MAPT: variants seen among roughly 807,000 people sequenced by gnomAD.
MAPT encodes the protein microtubule associated protein tau.
A neutral mutation model predicts 67.9 loss-of-function variants in MAPT; 34 were observed. That is an observed-to-expected ratio of 0.50 (90% CI 0.38 to 0.67). MAPT has a LOEUF of 0.67. MAPT is among the 30% of genes least tolerant of loss of function. The probability of loss-of-function intolerance (pLI) is 0.00; values close to 1 mark genes in which losing one functional copy is unlikely to be tolerated. For synonymous variants in MAPT, 456 were observed against 464.5 expected, an observed-to-expected ratio of 0.98 and a Z score of 0.23; for missense variants, 881 against 1,115.2, an observed-to-expected ratio of 0.79 and a Z score of 2.99.
chr17:45,921,637 C>G (rs2065727396), intron 1 of MAPT, among the ~76,000 whole-genome samples: 2 of 152,208 alleles, frequency 1.3e-5, no homozygotes, highest in African/African-American at 4.8e-5. Context: ...ATCATCTTGA[C>G]TTTTCAAGAT....
At chr17:46,008,986 C>T (rs2075638366) in intron 9 of MAPT, among the ~76,000 whole-genome samples, 1 of 152,178 alleles carries the variant, frequency 6.6e-6, no homozygotes, top group Non-Finnish European at 1.5e-5. Context: ...TTGCTTGAGC[C>T]CAGGAGTTTC....
chr17:45,927,501 G>A (rs2066452289), intron 1 of MAPT, among the ~76,000 whole-genome samples: 1 of 152,174 alleles, frequency 6.6e-6, no homozygotes. Flanking sequence ...ACTAAGGCCA[G>A]GCCTCCATGA....
chr17:45,972,219 G>A (rs1176048889), intron 3 of MAPT: 1 of 626,834 alleles, frequency 1.6e-6, no homozygotes, highest in Non-Finnish European at 3.0e-6. Context: ...CCATACGATT[G>A]TCCTCCCACA....
intron 12 of MAPT, among the ~76,000 whole-genome samples, chr17:46,019,727 A>T (rs1275027162): frequency 6.7e-6 from 1 of 149,012 alleles, no homozygotes; most frequent in Non-Finnish European, 1.5e-5. Context: ...AAAAGTGAGA[A>T]CTGGCTGGGT....
At chr17:45,954,640 C>T (rs929446807) in intron 1 of MAPT, among the ~76,000 whole-genome samples, 1 of 151,790 alleles carries the variant, frequency 6.6e-6, no homozygotes, top group Non-Finnish European at 1.5e-5. Flanking sequence ...ATAAATAATG[C>T]AAAGTAAAAT....
chr17:45,900,879 C>G (rs1166257558), intron 1 of MAPT, among the ~76,000 whole-genome samples: 1 of 152,180 alleles, frequency 6.6e-6, no homozygotes, highest in Non-Finnish European at 1.5e-5. Context: ...TTCACACAAG[C>G]TAACCCGGTA....
intron 1 of MAPT, among the ~76,000 whole-genome samples, chr17:45,925,489 A>G (rs1270707481): frequency 6.6e-6 from 1 of 152,206 alleles, no homozygotes; most frequent in African/African-American, 2.4e-5. Flanking sequence ...CTACTCTTTG[A>G]CCCAGAATTT....
chr17:46,014,102 G>A (rs887037962), intron 10 of MAPT, 141 bp from the exon 11 acceptor site: 1 of 695,694 alleles, frequency 1.4e-6, no homozygotes, highest in African/African-American at 1.8e-5. Flanking sequence ...GGGAACCACT[G>A]TCCAATAAGG....
At chr17:45,921,905 C>T (rs923076086) in intron 1 of MAPT, among the ~76,000 whole-genome samples, 2 of 152,052 alleles carry the variant, frequency 1.3e-5, no homozygotes, top group African/African-American at 2.4e-5. Context: ...CTGCCCTTAG[C>T]GAAGTTCAAA....
At chr17:46,022,437 C>CA (rs2076589324) in intron 12 of MAPT, among the ~76,000 whole-genome samples, 1 of 149,072 alleles carries the variant, frequency 6.7e-6, no homozygotes, top group Admixed American at 6.7e-5. Flanking sequence ...CCCAAATGAA[C>CA]AAAATATGCA....
intron 10 of MAPT, among the ~76,000 whole-genome samples, chr17:46,012,305 C>A (rs778433895): frequency 6.6e-6 from 1 of 152,154 alleles, no homozygotes; most frequent in Non-Finnish European, 1.5e-5. Context: ...TGGGGCCCGC[C>A]CGTGTGTCCC....
chr17:45,930,188 C>T (rs1441931667), intron 1 of MAPT, among the ~76,000 whole-genome samples: 1 of 152,034 alleles, frequency 6.6e-6, no homozygotes, highest in Non-Finnish European at 1.5e-5. Context: ...TCACTCGATG[C>T]CAGGAGTTCA....
intron 1 of MAPT, among the ~76,000 whole-genome samples, chr17:45,924,753 C>T (rs1035193700): frequency 2.6e-5 from 4 of 152,220 alleles, no homozygotes; most frequent in African/African-American, 7.2e-5. Context: ...ACAGCATGTC[C>T]GCTGCAAACC....
intron 5 of MAPT, 97 bp from the exon 6 acceptor site, chr17:45,986,943 T>C: frequency 1.9e-6 from 2 of 1,054,852 alleles, no homozygotes; most frequent in Non-Finnish European, 2.9e-6. Flanking sequence ...TAAACAAACA[T>C]GGACCTATCC....
intron 4 of MAPT, among the ~76,000 whole-genome samples, chr17:45,981,643 G>A (rs1466065667): frequency 3.3e-5 from 5 of 152,158 alleles, no homozygotes; most frequent in African/African-American, 1.2e-4. Context: ...CTCCATTCTT[G>A]ATGATCACAC....
rs373354780 is a variant in MAPT at position 45,999,516 on chromosome 17, C to T, written c.1998+2852C>T. ...GCACCATTTGGCCCAGTTCTTACAG[C>T]TCTGAAGAGAGCAGCAGGAATGGGG... On this transcript the variant is annotated intron_variant, in intron 9 of 12. Transcript: ENST00000262410. 2.1e-5 allele frequency: 34 copies of T among 1,613,840 alleles called. No homozygotes were observed. In the African/African-American group the frequency reaches 4.3e-4, roughly 20 times the overall value.
chr17:45,974,321 C>A, intron 3 of MAPT: 2 of 1,214,918 alleles, frequency 1.6e-6, no homozygotes, highest in Non-Finnish European at 2.4e-6. Flanking sequence ...GCGCAAGAAG[C>A]AAAGGTGAGG....
chr17:45,934,217 G>A (rs1264226252), intron 1 of MAPT, among the ~76,000 whole-genome samples: 3 of 152,122 alleles, frequency 2.0e-5, no homozygotes, highest in Admixed American at 6.5e-5. Flanking sequence ...GCATTCACCT[G>A]TAGTCTTAGC....
intron 1 of MAPT, among the ~76,000 whole-genome samples, chr17:45,925,605 A>G (rs1273573321): frequency 6.6e-6 from 1 of 152,266 alleles, no homozygotes; most frequent in Non-Finnish European, 1.5e-5. Flanking sequence ...GAAGCTGGAT[A>G]AATATCCAAC....
Sources: allele counts gnomAD v4.1 joint callset (sites outside exome capture counted in the v4.1 genomes callset), GRCh38; gene constraint gnomAD v4.1.1; transcripts MANE v1.5; gene names NCBI Gene and HGNC (gene_info 2026-07-23, HGNC 2026-07-21).